The following LAMP1 variants were observed in gnomAD, a reference collection of about 807,000 sequenced individuals.
LAMP1 encodes lysosome-associated membrane glycoprotein 1.
LAMP1 carries 7 observed loss-of-function variants against 37.5 expected under a neutral mutation model. The observed-to-expected ratio is 0.19, with a 90% CI of 0.11 to 0.35. LAMP1 has a LOEUF of 0.35. Among genes scored for constraint, LAMP1 ranks in the 10% least tolerant of loss-of-function variants. The pLI, the probability that LAMP1 is intolerant of heterozygous loss-of-function variation, is 1.00. For missense variants in LAMP1, 537 were observed against 552.8 expected (o/e 0.97, Z 0.29); for synonymous variants, 236 against 229.1 (o/e 1.03, Z -0.27).
chr13:113,303,041 G>T (rs2042581976), intron 1 of LAMP1, among the ~76,000 whole-genome samples: 1 of 152,204 alleles, frequency 6.6e-6, no homozygotes, highest in South Asian at 2.1e-4. Context: ...GAACTTGATG[G>T]GAACCCTCTG....
chr13:113,308,554 A>G (rs187236265), intron 2 of LAMP1, among the ~76,000 whole-genome samples: 103 of 135,504 alleles, frequency 7.6e-4, no homozygotes, highest in African/African-American at 2.6e-3. Flanking sequence ...CAAACTCCTG[A>G]CCTCAGGTGA....
chr13:113,322,315 T>C lies in LAMP1; in HGVS notation c.1148T>C (p.Leu383Pro), dbSNP rs1443476915. Residue 383 changes from leucine to proline, a missense_variant, in exon 9 of 9, where the codon CTG becomes CCG. Leu to Pro is a moderately conservative substitution (Grantham distance 98, BLOSUM62 -3). Transcript: ENST00000332556. Reference sequence around the variant, plus strand: ...TGTCTGCTGGACGAGAACAGCATGCTGATCCCCATCGCTGTGGGTGGTGCC... The same window carrying C: ...TGTCTGCTGGACGAGAACAGCATGCCGATCCCCATCGCTGTGGGTGGTGCC... The part of the protein sequence containing the change: ...EECLLDENSM[L>P]IPIAVGGALA... The C allele has an allele frequency of 6.2e-7, 1 of 1,613,792 alleles. No individual in the cohort carries two copies. Among genetic ancestry groups the C allele is most frequent in the Non-Finnish European group, 8.5e-7 (1 of 1,179,936 alleles).
intron 1 of LAMP1, among the ~76,000 whole-genome samples, chr13:113,301,219 ACAGTGGCT>A (rs1288141000): frequency 6.6e-6 from 1 of 152,106 alleles, no homozygotes; most frequent in Non-Finnish European, 1.5e-5. Flanking sequence ...ACAGCGAGGC[ACAGTGGCT>A]CATGCCTGTC....
At chr13:113,308,083 C>T (rs1020321345) in intron 2 of LAMP1, among the ~76,000 whole-genome samples, 11 of 151,858 alleles carry the variant, frequency 7.2e-5, no homozygotes, top group African/African-American at 2.7e-4. Context: ...GCCAAGATCT[C>T]GGCTCACTGT....
Position 113,322,735 on chromosome 13 carries a change from GTCTCTGAGGGGTGGGGGTGCCGCTC to G in LAMP1, c.*326_*350del, listed in dbSNP as rs1566406240. On this transcript the variant is annotated 3_prime_UTR_variant, in exon 9 of 9. Transcript: ENST00000332556. ...GTCTCTGAGGGGTGGGGGTGCCGCT[GTCTCTGAGGGGTGGGGGTGCCGCTC>G]TCTCTGAGGGGGTGGGGGTGCCGCT... is the stretch of plus-strand genomic sequence containing the variant. 1.9e-4 allele frequency: 9 copies of G among 47,862 alleles called. No individual in the cohort carries two copies. Among genetic ancestry groups the G allele is most frequent in the South Asian group, 9.2e-4 (1 of 1,084 alleles). 3.0% of individuals were successfully genotyped at this position (47,862 alleles called of 1,614,324 possible).
intron 4 of LAMP1, among the ~76,000 whole-genome samples, chr13:113,315,172 G>A (rs555690311): frequency 4.2e-5 from 6 of 143,428 alleles, no homozygotes; most frequent in Non-Finnish European, 6.1e-5. Flanking sequence ...TGCCTGGGGC[G>A]TGGCCTCCCG....
intron 4 of LAMP1, among the ~76,000 whole-genome samples, chr13:113,316,315 G>A (rs1368485413): frequency 1.3e-5 from 2 of 152,064 alleles, no homozygotes; most frequent in African/African-American, 2.4e-5. Context: ...TTATCCTCAG[G>A]GTCTGATAGG....
At chr13:113,319,837 T>G (rs758843007) in intron 5 of LAMP1, among the ~76,000 whole-genome samples, 181 bp downstream of exon 5, 1 of 152,236 alleles carries the variant, frequency 6.6e-6, no homozygotes. Context: ...GTCCATTTTG[T>G]AGGATCACAG....
chr13:113,316,622 C>T (rs761467477), intron 4 of LAMP1, among the ~76,000 whole-genome samples: 30 of 152,130 alleles, frequency 2.0e-4, no homozygotes, highest in Non-Finnish European at 3.7e-4. Flanking sequence ...GGGGTTTCAC[C>T]GTGTTAACCA....
At chr13:113,319,736 C>A (rs143656034) in intron 5 of LAMP1, 80 bp downstream of exon 5, 1 of 1,273,220 alleles carries the variant, frequency 7.9e-7, no homozygotes, top group Non-Finnish European at 1.1e-6. Flanking sequence ...TGAGAACACG[C>A]GTCTCTGCAC....
In LAMP1 at chr13:113,321,432, A is replaced by G. The variant is rs371542422; in HGVS notation, c.905A>G (p.Gln302Arg). ...GCAAGTTCTAGCCGGTTTTTCCTAC[A>G]AGGAATCCAGTTGAATACAATTCTT... ...MNASSSRFFL[Q>R]GIQLNTILPD... Residue 302 changes from glutamine (Q) to arginine (R), a missense_variant, in exon 7 of 9, where the codon CAA becomes CGA. Physicochemically the swap from Gln to Arg is conservative, Grantham distance 43 (BLOSUM62 1). Coordinates refer to ENST00000332556, the MANE Select transcript of LAMP1 (RefSeq NM_005561.4). This position sits in a 1 kb window ranked among gnomAD's most constrained non-coding sequence, Gnocchi z 5.6. The G allele has an allele frequency of 1.2e-5, 19 of 1,614,002 alleles. No individual in the cohort carries two copies. Among genetic ancestry groups the G allele is most frequent in the Non-Finnish European group, 1.6e-5 (19 of 1,179,984 alleles).
Position 113,309,781 on chromosome 13 carries a change from G to T in LAMP1, c.322G>T (p.Ala108Ser), listed in dbSNP as rs780652365. 33 of 1,614,060 alleles carry T rather than the reference G, an allele frequency of 2.0e-5. No individual in the cohort carries two copies. Among genetic ancestry groups the T allele is most frequent in the Non-Finnish European group, 2.8e-5 (33 of 1,180,038 alleles). The part of the protein sequence containing the change: ...HTLTLNFTRN[A>S]TRYSVQLMSF... Reference sequence around the variant, plus strand: ...ACTCACTCTCAATTTCACGAGAAATGCAACACGTTACAGCGTCCAGCTCAT... The same window carrying T: ...ACTCACTCTCAATTTCACGAGAAATTCAACACGTTACAGCGTCCAGCTCAT... The change falls in exon 3 of 9, where the codon GCA becomes TCA. Residue 108 changes from alanine to serine, a missense_variant. Coordinates refer to ENST00000332556, the MANE Select transcript of LAMP1 (RefSeq NM_005561.4).
chr13:113,309,855 C>A lies in LAMP1; in HGVS notation c.396C>A (p.Ser132Arg), dbSNP rs745800693. The A allele has an allele frequency of 1.2e-6, 2 of 1,611,956 alleles. No individual in the cohort carries two copies. Residue 132 changes from serine to arginine, a missense_variant, in exon 3 of 9, where the codon AGC becomes AGA. By Grantham distance (110) the Ser-to-Arg change is moderately radical. Coordinates refer to ENST00000332556, the MANE Select transcript of LAMP1 (RefSeq NM_005561.4). ...LSDTHLFPNASSKEIKTVESI... is the reference protein window; with the variant it reads ...LSDTHLFPNARSKEIKTVESI... ...ACACACACCTTTTCCCCAATGCGAG[C>A]TCCAAAGGTAAGAACCAAAATGGGC...
chr13:113,319,699 GGGCT>G, intron 5 of LAMP1, 43 bp downstream of exon 5: 2 of 1,576,698 alleles, frequency 1.3e-6, no homozygotes, highest in Non-Finnish European at 1.7e-6. Flanking sequence ...CGGCACGGTA[GGGCT>G]GGAGCCTCTG....
chr13:113,323,307 T>C lies in LAMP1; in HGVS notation c.*886T>C, dbSNP rs556658397. The C allele has an allele frequency of 6.6e-6, 1 of 152,338 alleles. No individual in the cohort carries two copies. Among genetic ancestry groups the C allele is most frequent in the East Asian group, 1.9e-4 (1 of 5,192 alleles). The allele number at this position is 152,338 out of a possible 1,614,324, so 9.4% of individuals were successfully genotyped here. A position where few individuals can be genotyped will look rare whatever the true frequency, so the allele number is the denominator to read the frequency against. The stretch of plus-strand genomic sequence containing the variant: ...CATTCGGGGTGATCCTGTTCTGCGC[T>C]GTGTACAATGTGAGATCGGTGCGTT... On this transcript the variant is annotated 3_prime_UTR_variant, in exon 9 of 9. Transcript: ENST00000332556.
At chr13:113,306,255 G>A in intron 1 of LAMP1, 2 of 318,386 alleles carry the variant, frequency 6.3e-6, no homozygotes, top group South Asian at 3.7e-5. Context: ...TACTTGGGAG[G>A]CTGAGGCAGG....
intron 1 of LAMP1, among the ~76,000 whole-genome samples, chr13:113,301,773 C>A (rs1221635013): frequency 6.8e-6 from 1 of 146,470 alleles, no homozygotes; most frequent in Non-Finnish European, 1.5e-5. Context: ...TTTAGTTCTT[C>A]ATAAATGATT....
At chr13:113,318,659 T>A (rs1199985466) in intron 4 of LAMP1, among the ~76,000 whole-genome samples, 1 of 152,152 alleles carries the variant, frequency 6.6e-6, no homozygotes, top group East Asian at 1.9e-4. Context: ...TTCAGACTGC[T>A]GGGCATTCCC....
intron 2 of LAMP1, among the ~76,000 whole-genome samples, chr13:113,308,617 A>T (rs958143794): frequency 1.3e-5 from 2 of 151,976 alleles, no homozygotes; most frequent in African/African-American, 4.8e-5. Flanking sequence ...GGCCCAGCGT[A>T]CCTGGTCTCC....
Sources: gnomAD v4.1 joint callset for allele counts (sites outside exome capture counted in the v4.1 genomes callset) on GRCh38, gnomAD v4.1.1 for gene constraint, Gnocchi (gnomAD v3.1) non-coding constraint, MANE v1.5 for transcripts, NCBI Gene and HGNC (gene_info 2026-07-23, HGNC 2026-07-21) for gene names.